Variants in MFHAS1 observed in about 807,000 individuals in gnomAD.
MFHAS1 encodes malignant fibrous histiocytoma-amplified sequence 1.
MFHAS1 carries 50 observed loss-of-function variants against 70.4 expected under a neutral mutation model. That is an observed-to-expected ratio of 0.71 (90% CI 0.57 to 0.90). MFHAS1 has a LOEUF of 0.90. Ranked by LOEUF, MFHAS1 falls within the 40% of genes least tolerant of loss-of-function variation. MFHAS1 has a pLI of 0.00. For missense variants in MFHAS1, 1,795 were observed against 1,347.6 expected, an observed-to-expected ratio of 1.33 and a Z score of -5.20; for synonymous variants, 952 against 620.0, an observed-to-expected ratio of 1.54 and a Z score of -7.96.
chr8:8,838,845 T>C (rs1807701162), intron 1 of MFHAS1, among the ~76,000 whole-genome samples: 1 of 151,772 alleles, frequency 6.6e-6, no homozygotes, highest in Non-Finnish European at 1.5e-5. Context: ...ACCTTCAAGC[T>C]TCTCTTCTCC....
intron 1 of MFHAS1, among the ~76,000 whole-genome samples, chr8:8,802,352 C>T (rs1411564457): frequency 4.6e-5 from 7 of 152,164 alleles, no homozygotes; most frequent in Admixed American, 4.6e-4. Context: ...AACACATACA[C>T]GAAACATACT....
chr8:8,866,523 G>A (rs758652535), intron 1 of MFHAS1, among the ~76,000 whole-genome samples: 1 of 152,008 alleles, frequency 6.6e-6, no homozygotes, highest in Non-Finnish European at 1.5e-5. Context: ...TTGCCATGTT[G>A]CCCAGGCTGG....
intron 1 of MFHAS1, among the ~76,000 whole-genome samples, chr8:8,810,903 G>A (rs1316994228): frequency 6.6e-6 from 1 of 152,150 alleles, no homozygotes; most frequent in Non-Finnish European, 1.5e-5. Context: ...TGAAGGTTGG[G>A]ACTGGGAGGT....
intron 1 of MFHAS1, among the ~76,000 whole-genome samples, chr8:8,812,422 T>G (rs946693546): frequency 6.6e-6 from 1 of 152,068 alleles, no homozygotes; most frequent in African/African-American, 2.4e-5. Context: ...TCTGCAATTC[T>G]CTCCTCTGGG....
In MFHAS1 at chr8:8,892,635, G is replaced by A. The variant is rs770561357; in HGVS notation, c.424C>T (p.Leu142Phe). 1.2e-6 allele frequency: 2 copies of A among 1,603,382 alleles called. No homozygotes were observed. Among genetic ancestry groups the A allele is most frequent in the African/African-American group, 1.3e-5 (1 of 74,888 alleles). ...AGGGCGGGCAGCTGGTTGTGGCTGA[G>A]GTTGAGCTTCCGCAGCTCCCTCAGA... ...SALRELRKLNLSHNQLPALPA... is the reference protein window; with the variant it reads ...SALRELRKLNFSHNQLPALPA... Residue 142 changes from leucine (L) to phenylalanine (F), a missense_variant, in exon 1 of 3, where the codon CTC becomes TTC. By Grantham distance (22) the Leu-to-Phe change is conservative. Coordinates refer to ENST00000276282, the MANE Select transcript of MFHAS1 (RefSeq NM_004225.3). The surrounding 1 kb of genome is among the most constrained non-coding windows in gnomAD (Gnocchi z 4.7).
Position 8,892,878 on chromosome 8 carries a change from TGGCCGGCAGCACGAGCTGGGG to T in MFHAS1, c.160_180del (p.Pro54_Ala60del). The T allele has an allele frequency of 1.9e-6, 3 of 1,586,128 alleles. No homozygotes were observed. Among genetic ancestry groups the T allele is most frequent in the Non-Finnish European group, 2.6e-6 (3 of 1,168,324 alleles). On this transcript the variant is annotated inframe_deletion, in exon 1 of 3. Transcript: ENST00000276282. The surrounding 1 kb of genome is among the most constrained non-coding windows in gnomAD (Gnocchi z 4.7). ...TTCAGTGCCTCAATGTCCCCGAGGT[TGGCCGGCAGCACGAGCTGGGG>T]GGAGGCGGGGGACTCGAGCGCGTCG...
At position 8,890,083 on chromosome 8, in the gene MFHAS1, C is replaced by A. The variant is rs1237476177; in HGVS notation, c.2976G>T (p.Ser992=). Residue 992 remains serine, a synonymous_variant, in exon 1 of 3, where the codon TCG becomes TCT. Transcript: ENST00000276282. ...ILCSKCLKRG[S]PNPHAFPGEL... Reference sequence around the variant, plus strand: ...TACCTGGAAAAGCATGTGGATTGGGCGATCCTCTCTTAAGGCACTTAGAAC... The same window carrying A: ...TACCTGGAAAAGCATGTGGATTGGGAGATCCTCTCTTAAGGCACTTAGAAC... The A allele has an allele frequency of 1.9e-6, 3 of 1,605,388 alleles. No individual in the cohort carries two copies. The highest frequency in any genetic ancestry group is 2.6e-6 in the Non-Finnish European group (3 of 1,174,200).
intron 1 of MFHAS1, among the ~76,000 whole-genome samples, chr8:8,841,484 TTC>T (rs1281388109): frequency 6.6e-6 from 1 of 151,108 alleles, no homozygotes; most frequent in Admixed American, 6.6e-5. Context: ...AAAAAAAGAC[TTC>T]TTTTTGTTGT....
chr8:8,806,667 A>C (rs1806301114), intron 1 of MFHAS1, among the ~76,000 whole-genome samples: 1 of 152,274 alleles, frequency 6.6e-6, no homozygotes, highest in South Asian at 2.1e-4. Context: ...ATTTCTAAAA[A>C]TCCTAGAAAG....
intron 1 of MFHAS1, among the ~76,000 whole-genome samples, chr8:8,869,898 T>C (rs1340531061): frequency 6.6e-6 from 1 of 152,184 alleles, no homozygotes; most frequent in African/African-American, 2.4e-5. Flanking sequence ...AGGACCTACC[T>C]GGGGGCCTCT....
intron 1 of MFHAS1, among the ~76,000 whole-genome samples, chr8:8,825,790 GC>G (rs1308544937): frequency 1.1e-4 from 17 of 152,130 alleles, no homozygotes; most frequent in Non-Finnish European, 2.1e-4. Flanking sequence ...ACACAATTCA[GC>G]CATAACAAAG....
chr8:8,840,587 A>G (rs1807783548), intron 1 of MFHAS1, among the ~76,000 whole-genome samples: 1 of 152,126 alleles, frequency 6.6e-6, no homozygotes. Context: ...ACATACCATC[A>G]AACTCGGCAC....
chr8:8,843,379 T>A (rs1016022581), intron 1 of MFHAS1, among the ~76,000 whole-genome samples: 3 of 151,342 alleles, frequency 2.0e-5, no homozygotes, highest in African/African-American at 4.9e-5. Flanking sequence ...AGGCCAGGAG[T>A]TCGAGACCAG....
intron 1 of MFHAS1, among the ~76,000 whole-genome samples, chr8:8,813,393 G>A (rs954754346): frequency 6.6e-6 from 1 of 152,024 alleles, no homozygotes; most frequent in African/African-American, 2.4e-5. Flanking sequence ...CAGGCCCTTC[G>A]GGAGGTGTTC....
chr8:8,787,223 T>G lies in MFHAS1; in HGVS notation c.3126-1168A>C, dbSNP rs1004148698. Among the ~76,000 whole-genome samples the G allele has an allele frequency of 3.4e-4, 52 of 152,096 alleles. 1 individual carries two copies. Among genetic ancestry groups the G allele is most frequent in the Admixed American group, 1.0e-3 (16 of 15,274 alleles). On this transcript the variant is annotated intron_variant, in intron 2 of 2. Coordinates refer to ENST00000276282, the MANE Select transcript of MFHAS1 (RefSeq NM_004225.3). ...AGCCTCCCGAGTAGCTAGGACTACATGTGCCCGCCACCACACGCGGCTAAT... is the reference window on the plus strand; with the variant it reads ...AGCCTCCCGAGTAGCTAGGACTACAGGTGCCCGCCACCACACGCGGCTAAT...
At chr8:8,866,904 C>G (rs979721153) in intron 1 of MFHAS1, among the ~76,000 whole-genome samples, 4 of 152,044 alleles carry the variant, frequency 2.6e-5, no homozygotes, top group African/African-American at 9.7e-5. Flanking sequence ...GCATAATTAG[C>G]CTTCTTTAGA....
At chr8:8,820,902 T>A (rs1247895289) in intron 1 of MFHAS1, among the ~76,000 whole-genome samples, 2 of 152,188 alleles carry the variant, frequency 1.3e-5, no homozygotes, top group Non-Finnish European at 2.9e-5. Context: ...CAAACCCACA[T>A]CACACATTTA....
intron 1 of MFHAS1, among the ~76,000 whole-genome samples, chr8:8,838,253 T>TGAGGGAGGCCTGGCTGGGAA (rs1473519221): frequency 2.6e-5 from 4 of 152,296 alleles, no homozygotes; most frequent in African/African-American, 9.6e-5. Flanking sequence ...GAGGCTGGCA[T>TGAGGGAGGCCTGGCTGGGAA]GAGGGAGGCC....
chr8:8,818,865 A>G (rs1052825317), intron 1 of MFHAS1, among the ~76,000 whole-genome samples: 5 of 152,214 alleles, frequency 3.3e-5, no homozygotes, highest in Non-Finnish European at 5.9e-5. Context: ...ACCTTGTTCT[A>G]TAAAGAATAT....
Sources: allele counts gnomAD v4.1 joint callset (sites outside exome capture counted in the v4.1 genomes callset), GRCh38; gene constraint gnomAD v4.1.1; non-coding constraint Gnocchi (gnomAD v3.1); transcripts MANE v1.5; gene names NCBI Gene and HGNC (gene_info 2026-07-23, HGNC 2026-07-21).